GREB1: variants seen among roughly 807,000 people sequenced by gnomAD.
GREB1 encodes growth regulating estrogen receptor binding 1, also known as protein GREB1.
GREB1 carries 106 observed loss-of-function variants against 200.7 expected under a neutral mutation model. The observed-to-expected ratio is 0.53, with a 90% CI of 0.45 to 0.62. The LOEUF (loss-of-function observed/expected upper bound fraction) is 0.62, where lower values mean the gene tolerates loss of function less well. Among genes scored for constraint, GREB1 ranks in the 20% least tolerant of loss-of-function variants. GREB1 has a pLI of 0.00. For missense variants in GREB1, 2,243 were observed against 2,556.8 expected, an observed-to-expected ratio of 0.88 and a Z score of 2.65; for synonymous variants, 1,132 against 1,092.4, an observed-to-expected ratio of 1.04 and a Z score of -0.72.
In GREB1 at chr2:11,604,657, C is replaced by T. The variant is rs755945082; in HGVS notation, c.2666+2115C>T. On this transcript the variant is annotated intron_variant, in intron 17 of 32. Transcript: ENST00000381486. ...ATTTTATAATTGTGGGAACTGAAGCCGAGTGGGAGAGTGATTTGCCCGACT... is the reference window on the plus strand; with the variant it reads ...ATTTTATAATTGTGGGAACTGAAGCTGAGTGGGAGAGTGATTTGCCCGACT... 3.3e-5 allele frequency among the ~76,000 whole-genome samples: 5 copies of T among 152,116 alleles called. No homozygotes were observed. In the East Asian group the frequency reaches 5.8e-4, roughly 18 times the overall value.
intron 17 of GREB1, among the ~76,000 whole-genome samples, chr2:11,603,110 A>G (rs1330752935): frequency 2.0e-5 from 3 of 152,246 alleles, no homozygotes; most frequent in Non-Finnish European, 4.4e-5. Flanking sequence ...CCCAGAGTCA[A>G]TCTGACTGCA....
At chr2:11,532,401 G>A (rs1473890891), upstream of GREB1, among the ~76,000 whole-genome samples, 1 of 152,164 alleles carries the variant, frequency 6.6e-6, no homozygotes, top group Admixed American at 6.5e-5. Context: ...ATCAGGGCTT[G>A]CTTCTGAAGG....
Position 11,640,179 on chromosome 2 carries a change from TGC to T in GREB1, c.5687-111_5687-110del, listed in dbSNP as rs1685708376. The T allele has an allele frequency of 1.0e-6, 1 of 987,622 alleles. No individual in the cohort carries two copies. The highest frequency in any genetic ancestry group is 1.5e-6 in the Non-Finnish European group (1 of 675,034). 61.2% of individuals were successfully genotyped at this position (987,622 alleles called of 1,614,324 possible). A position where few individuals can be genotyped will look rare whatever the true frequency, so the allele number is the denominator to read the frequency against. On this transcript the variant is annotated intron_variant, in intron 32 of 32. Transcript: ENST00000381486. This position sits in a 1 kb window ranked among gnomAD's most constrained non-coding sequence, Gnocchi z 4.6. ...AAGGGGCCGACTTGGATGCCGCTTC[TGC>T]CCTTCCCAACAGCGCCCTGTCTTGT...
At chr2:11,525,589 G>A (rs1015473945) in intron 1 of GREB1, among the ~76,000 whole-genome samples, 1 of 151,896 alleles carries the variant, frequency 6.6e-6, no homozygotes, top group Non-Finnish European at 1.5e-5. Context: ...GATTGACTTG[G>A]GCCTCAGTTG....
At chr2:11,542,411 G>C (rs983639231) in intron 1 of GREB1, among the ~76,000 whole-genome samples, 1 of 152,080 alleles carries the variant, frequency 6.6e-6, no homozygotes, top group Non-Finnish European at 1.5e-5. Context: ...GGGATCATCG[G>C]CAGAGTCAAT....
At chr2:11,625,961 G>A (rs1406217791) in intron 24 of GREB1, among the ~76,000 whole-genome samples, 2 of 152,136 alleles carry the variant, frequency 1.3e-5, no homozygotes, top group Non-Finnish European at 2.9e-5. Context: ...GAGAGTGAGA[G>A]CCCAGCAAAA....
rs960473779 is a variant in GREB1 at position 11,498,233 on chromosome 2, T to C, written c.-159+15852T>C. 2.6e-5 allele frequency among the ~76,000 whole-genome samples: 4 copies of C among 152,078 alleles called. No homozygotes were observed. In the East Asian group the frequency reaches 7.7e-4, roughly 29 times the overall value. On this transcript the variant is annotated intron_variant, in intron 1 of 2. Transcript: ENST00000628795. ...TTTCCAGAAGTGTTATAGTTTTATG[T>C]TTTATGTGTAGGTCTATGATCCTTT... is the stretch of plus-strand genomic sequence containing the variant.
chr2:11,638,634 G>A (rs770242852), intron 31 of GREB1, 37 bp from the exon 32 acceptor site: 2 of 1,603,108 alleles, frequency 1.2e-6, no homozygotes, highest in Non-Finnish European at 1.7e-6. Context: ...GCATTTCATA[G>A]AAAACGGTGC....
chr2:11,594,650 C>T (rs757280303), intron 11 of GREB1, among the ~76,000 whole-genome samples: 8 of 151,546 alleles, frequency 5.3e-5, no homozygotes, highest in Non-Finnish European at 8.8e-5. Flanking sequence ...CCACCGTGCC[C>T]GACCAGCGTT....
chr2:11,533,409 T>A (rs1470634288), upstream of GREB1, among the ~76,000 whole-genome samples: 1 of 152,208 alleles, frequency 6.6e-6, no homozygotes, highest in African/African-American at 2.4e-5. Context: ...CTGTTATCTC[T>A]GTTTATGGCT....
chr2:11,528,249 T>G (rs2148485181), intron 1 of GREB1, among the ~76,000 whole-genome samples: 1 of 152,342 alleles, frequency 6.6e-6, no homozygotes, highest in Middle Eastern at 3.4e-3. Flanking sequence ...TCTCTTTACA[T>G]CTACTCCAAA....
chr2:11,496,854 T>C (rs1157881671), intron 1 of GREB1, among the ~76,000 whole-genome samples: 1 of 152,218 alleles, frequency 6.6e-6, no homozygotes, highest in African/African-American at 2.4e-5. Flanking sequence ...GTTGCTCTTT[T>C]ATTTATTTTT....
intron 1 of GREB1, among the ~76,000 whole-genome samples, chr2:11,538,804 ACTTC>A (rs1446847688): frequency 4.3e-4 from 5 of 11,552 alleles, no homozygotes; most frequent in African/African-American, 6.8e-4. Flanking sequence ...TCCCTTCTTT[ACTTC>A]CTTCCTTCCT....
At chr2:11,535,060 T>C (rs928579203) in intron 1 of GREB1, among the ~76,000 whole-genome samples, 3 of 152,176 alleles carry the variant, frequency 2.0e-5, no homozygotes, top group African/African-American at 7.2e-5. Context: ...ATTTTTTGCC[T>C]GGGGTGAACG....
chr2:11,634,807 C>T (rs536184042), intron 29 of GREB1, among the ~76,000 whole-genome samples: 1 of 152,308 alleles, frequency 6.6e-6, no homozygotes, highest in African/African-American at 2.4e-5. Flanking sequence ...AGACTGACTG[C>T]GCCTCCAAGA....
At chr2:11,488,871 A>AT (rs1672717620) in intron 1 of GREB1, among the ~76,000 whole-genome samples, 1 of 51,244 alleles carries the variant, frequency 2.0e-5, no homozygotes, top group Non-Finnish European at 5.2e-5. Context: ...GGCAGTTTTC[A>AT]TTAAAAAAAA....
intron 27 of GREB1, among the ~76,000 whole-genome samples, 190 bp from the exon 28 acceptor site, chr2:11,632,699 G>A (rs1013209709): frequency 4.6e-5 from 7 of 152,190 alleles, no homozygotes; most frequent in Non-Finnish European, 1.0e-4. Context: ...GTTCCACCTG[G>A]AGAGGAGTGT....
chr2:11,567,353 G>T (rs1171561522), intron 4 of GREB1, among the ~76,000 whole-genome samples: 1 of 152,166 alleles, frequency 6.6e-6, no homozygotes, highest in East Asian at 1.9e-4. Context: ...TCGAACTCCT[G>T]GCCTCAAGTG....
chr2:11,622,867 G>A (rs1684119753), intron 23 of GREB1, among the ~76,000 whole-genome samples: 1 of 152,228 alleles, frequency 6.6e-6, no homozygotes, highest in African/African-American at 2.4e-5. Flanking sequence ...GGACAGGAGA[G>A]CAAAGCCATT....
Sources: allele counts gnomAD v4.1 joint callset (sites outside exome capture counted in the v4.1 genomes callset), GRCh38; gene constraint gnomAD v4.1.1; non-coding constraint Gnocchi (gnomAD v3.1); transcripts MANE v1.5; gene names NCBI Gene and HGNC (gene_info 2026-07-23, HGNC 2026-07-21).